Variants in EBI3 observed in about 807,000 individuals in gnomAD.
EBI3 encodes Epstein-Barr virus induced 3.
Under a neutral mutation model 21.3 loss-of-function variants are expected in EBI3, and 19 were observed. The observed-to-expected ratio is 0.89, with a 90% CI of 0.62 to 1.31. EBI3 has a LOEUF of 1.31. EBI3 is among the 50% of genes most tolerant of loss of function. EBI3 has a pLI of 0.00. For missense variants in EBI3, 331 were observed against 314.0 expected (o/e 1.05, Z -0.41); for synonymous variants, 154 against 131.2 (o/e 1.17, Z -1.19).
At chr19:4,233,617 G>A (rs1185463113) in intron 3 of EBI3, among the ~76,000 whole-genome samples, 2 of 152,042 alleles carry the variant, frequency 1.3e-5, no homozygotes, top group Non-Finnish European at 2.9e-5. Flanking sequence ...CCTGCCTTGG[G>A]GTCAAAGCCC....
chr19:4,229,568 C>T lies in EBI3; in HGVS notation c.18C>T (p.Leu6=), dbSNP rs1330480616. ...CCGCAGCCATGACCCCGCAGCTTCT[C>T]CTGGCCCTTGTCCTCTGGGCCAGCT... MTPQL[L]LALVLWASCP... The change falls in exon 1 of 5, where the codon CTC becomes CTT. Residue 6 remains leucine, a synonymous_variant. Transcript: ENST00000221847. 2 of 1,611,528 alleles carry T rather than the reference C, an allele frequency of 1.2e-6. No homozygotes were observed. The highest frequency in any genetic ancestry group is 1.7e-5 in the Admixed American group (1 of 59,682).
chr19:4,234,621 G>A, intron 3 of EBI3, 46 bp from the exon 4 acceptor site: 1 of 1,580,176 alleles, frequency 6.3e-7, no homozygotes, highest in Non-Finnish European at 8.6e-7. Context: ...ATGAATGAAT[G>A]ACTGGACTTA....
chr19:4,233,332 G>A (rs758336112), intron 3 of EBI3, 25 bp downstream of exon 3: 6 of 1,551,236 alleles, frequency 3.9e-6, no homozygotes, highest in East Asian at 4.8e-5. Context: ...CAGTGGGGGC[G>A]GGGGCGGGGC....
chr19:4,235,122 G>A (rs915208286), intron 4 of EBI3, among the ~76,000 whole-genome samples: 2 of 152,082 alleles, frequency 1.3e-5, no homozygotes, highest in East Asian at 3.9e-4. Flanking sequence ...AGGTTCAAGC[G>A]ATGCTCCTGC....
At position 4,234,811 on chromosome 19, in the gene EBI3, C is replaced by G. The variant is rs140400350; in HGVS notation, c.524C>G (p.Ala175Gly). 38 of 1,613,870 alleles carry G rather than the reference C, an allele frequency of 2.4e-5. No homozygotes were observed. The Middle Eastern group carries it at 5.0e-4, about 21-fold the overall frequency. The change falls in exon 4 of 5, where the codon GCG (alanine) becomes GGG (glycine). Residue 175 changes from alanine (A) to glycine (G), a missense_variant. Coordinates refer to ENST00000221847, the MANE Select transcript of EBI3 (RefSeq NM_005755.3). Reference sequence around the variant, plus strand: ...ATCCGTTACAAGCGTCAGGGAGCTGCGCGCTTCCACCGGGTGAGGAGGATG... The same window carrying G: ...ATCCGTTACAAGCGTCAGGGAGCTGGGCGCTTCCACCGGGTGAGGAGGATG... ...YWIRYKRQGA[A>G]RFHRVGPIEA...
Position 4,233,090 on chromosome 19 carries a change from G to T in EBI3, c.201-39G>T, listed in dbSNP as rs1555723626. 23 of 1,499,206 alleles carry T rather than the reference G, an allele frequency of 1.5e-5. 1 individual carries two copies. In the South Asian group the frequency reaches 2.9e-4, roughly 19 times the overall value. The allele number at this position is 1,499,206 out of a possible 1,614,324, so 92.9% of individuals were successfully genotyped here. A position where few individuals can be genotyped will look rare whatever the true frequency, so the allele number is the denominator to read the frequency against. The stretch of plus-strand genomic sequence containing the variant: ...GCAGTAGGAGGTGCTGAGGCCACAG[G>T]CACTCCCTGAGGCGCTCAGCGAGCC... On this transcript the variant is annotated intron_variant, in intron 2 of 4. Coordinates refer to ENST00000221847, the MANE Select transcript of EBI3 (RefSeq NM_005755.3).
intron 3 of EBI3, 82 bp downstream of exon 3, chr19:4,233,389 C>A: frequency 2.7e-6 from 4 of 1,457,734 alleles, no homozygotes; most frequent in Non-Finnish European, 3.6e-6. Context: ...ACCTGTCCTC[C>A]AGTCCTGCGG....
chr19:4,236,540 A>AAAAG, intron 4 of EBI3, among the ~76,000 whole-genome samples: 1 of 150,220 alleles, frequency 6.7e-6, no homozygotes, highest in Non-Finnish European at 1.5e-5. Flanking sequence ...AAAAAAAAAA[A>AAAAG]AAAGCATGGT....
rs1382337070 is a variant in EBI3 at position 4,232,952 on chromosome 19, C to T, written c.201-177C>T. ...CATCAGGGGCACCGTGATGTTGGGG[C>T]CCATGCCCTGCCCCCGGGGGGTGGC... On this transcript the variant is annotated intron_variant, in intron 2 of 4. Coordinates refer to ENST00000221847, the MANE Select transcript of EBI3 (RefSeq NM_005755.3). 2.4e-5 allele frequency: 15 copies of T among 625,436 alleles called. No individual in the cohort carries two copies. In the East Asian group the frequency reaches 4.5e-4, roughly 19 times the overall value. 38.7% of individuals were successfully genotyped at this position (625,436 alleles called of 1,614,324 possible).
intron 3 of EBI3, among the ~76,000 whole-genome samples, chr19:4,234,168 T>G (rs1048648475): frequency 3.9e-5 from 6 of 152,182 alleles, no homozygotes; most frequent in Non-Finnish European, 8.8e-5. Context: ...ATTGTGCCAC[T>G]GCATTCCAGC....
intron 2 of EBI3, among the ~76,000 whole-genome samples, chr19:4,232,219 T>A (rs1970789496): frequency 2.9e-5 from 1 of 34,488 alleles, no homozygotes; most frequent in African/African-American, 1.6e-4. Context: ...TGAGACCCCG[T>A]CTCAAAAAAA....
rs751929297 is a variant in EBI3 at position 4,231,185 on chromosome 19, C to T, written c.68-6C>T. 1 of 1,574,048 alleles carries T rather than the reference C, an allele frequency of 6.4e-7. No individual in the cohort carries two copies. The highest frequency in any genetic ancestry group is 1.4e-5 in the African/African-American group (1 of 72,728). On this transcript the variant is annotated splice_polypyrimidine_tract_variant and splice_region_variant and intron_variant, in intron 1 of 4. Transcript: ENST00000221847. ...CCAGAAGCTCACTCTTTCTGTCTTC[C>T]TCCAGGGCCCCCAGCAGCTCTGACA...
rs554193057 is a variant in EBI3 at position 4,234,567 on chromosome 19, C to T, written c.380-100C>T. 135 of 1,507,364 alleles carry T rather than the reference C, an allele frequency of 9.0e-5. No individual in the cohort carries two copies. In the African/African-American group the frequency reaches 1.6e-3, roughly 18 times the overall value. The allele number at this position is 1,507,364 out of a possible 1,614,324, so 93.4% of individuals were successfully genotyped here. On this transcript the variant is annotated intron_variant, in intron 3 of 4. Transcript: ENST00000221847. Reference sequence around the variant, plus strand: ...GACAGAGTGAGACTCCGTTTCAAAACAAACAAAATATATACATAATATGTT... The same window carrying T: ...GACAGAGTGAGACTCCGTTTCAAAATAAACAAAATATATACATAATATGTT...
chr19:4,233,337 CG>C (rs1568355821), intron 3 of EBI3, 30 bp downstream of exon 3: 2 of 489,954 alleles, frequency 4.1e-6, no homozygotes, highest in Admixed American at 4.8e-5. Context: ...GGGGCGGGGG[CG>C]GGGCTGCCGT....
chr19:4,231,575 G>T (rs1970783373), intron 2 of EBI3, among the ~76,000 whole-genome samples: 1 of 151,654 alleles, frequency 6.6e-6, no homozygotes, highest in Non-Finnish European at 1.5e-5. Context: ...TTTGAGACCA[G>T]CTTGGGCAAC....
At position 4,234,704 on chromosome 19, in the gene EBI3, C is replaced by T. The variant is rs202004623; in HGVS notation, c.417C>T (p.Pro139=). 21 of 1,614,162 alleles carry T rather than the reference C, an allele frequency of 1.3e-5. No homozygotes were observed. The African/African-American group carries it at 2.4e-4, about 18-fold the overall frequency. Residue 139 remains proline (P), a synonymous_variant, in exon 4 of 5, where the codon CCC becomes CCT. Coordinates refer to ENST00000221847, the MANE Select transcript of EBI3 (RefSeq NM_005755.3). ...CTCCAGAAGGCGTGCGCCTAAGCCC[C>T]CTCGCTGAGCGCCAGCTACAGGTGC... The part of the protein sequence containing the change: ...PDPPEGVRLS[P]LAERQLQVQW...
intron 2 of EBI3, among the ~76,000 whole-genome samples, chr19:4,232,042 C>T (rs1347651394): frequency 2.0e-5 from 3 of 151,442 alleles, no homozygotes; most frequent in African/African-American, 4.8e-5. Context: ...CTGGCGAACA[C>T]GGTGAAACCC....
chr19:4,234,746 G>C lies in EBI3; in HGVS notation c.459G>C (p.Gly153=). 1.2e-6 allele frequency: 2 copies of C among 1,614,118 alleles called. No individual in the cohort carries two copies. Among genetic ancestry groups the C allele is most frequent in the Non-Finnish European group, 1.7e-6 (2 of 1,180,022 alleles). ...RQLQVQWEPP[G]SWPFPEIFSL... ...TACAGGTGCAGTGGGAGCCTCCCGG[G>C]TCCTGGCCCTTCCCAGAGATCTTCT... The change falls in exon 4 of 5, where the codon GGG becomes GGC. Residue 153 remains glycine (G), a synonymous_variant. Transcript: ENST00000221847.
Position 4,229,565 on chromosome 19 carries a change from T to C in EBI3, c.15T>C (p.Leu5=), listed in dbSNP as rs1599485807. 6.2e-7 allele frequency: 1 copy of C among 1,611,156 alleles called. No individual in the cohort carries two copies. Among genetic ancestry groups the C allele is most frequent in the Non-Finnish European group, 8.5e-7 (1 of 1,178,916 alleles). The change falls in exon 1 of 5, where the codon CTT becomes CTC. Residue 5 remains leucine (L), a synonymous_variant. Transcript: ENST00000221847. ...TGGCCGCAGCCATGACCCCGCAGCT[T>C]CTCCTGGCCCTTGTCCTCTGGGCCA... The part of the protein sequence containing the change: MTPQ[L]LLALVLWASC...
Sources: allele counts gnomAD v4.1 joint callset (sites outside exome capture counted in the v4.1 genomes callset), GRCh38; gene constraint gnomAD v4.1.1; transcripts MANE v1.5; gene names NCBI Gene and HGNC (gene_info 2026-07-23, HGNC 2026-07-21).